Variants in CD33 observed in about 807,000 individuals in gnomAD.
CD33 encodes myeloid cell surface antigen CD33.
CD33 carries 25 observed loss-of-function variants against 31.4 expected under a neutral mutation model. The ratio of observed to expected loss-of-function variants is 0.80; its 90% CI spans 0.58 to 1.11. The LOEUF is 1.11. Ranked by LOEUF, CD33 falls within the 50% of genes most tolerant of loss-of-function variation. The probability of loss-of-function intolerance (pLI) is 0.00; values close to 1 mark genes in which losing one functional copy is unlikely to be tolerated. For synonymous variants in CD33, 176 were observed against 180.6 expected, an observed-to-expected ratio of 0.97 and a Z score of 0.20; for missense variants, 407 against 448.1, an observed-to-expected ratio of 0.91 and a Z score of 0.83.
In CD33 at chr19:51,226,422, C is replaced by G; in HGVS notation, c.745+66C>G. 3 of 1,433,194 alleles carry G rather than the reference C, an allele frequency of 2.1e-6. No individual in the cohort carries two copies. In the Admixed American group the frequency reaches 5.0e-5, roughly 24 times the overall value. The allele number at this position is 1,433,194 out of a possible 1,614,324, so 88.8% of individuals were successfully genotyped here. On this transcript the variant is annotated intron_variant, in intron 4 of 6. Transcript: ENST00000262262. ...GAGTCTGTGTCAGGTTTGGTCAGAT[C>G]TGGACTTTCAGAGTCAAATGTTCAG...
At position 51,225,424 on chromosome 19, in the gene CD33, G is replaced by A. The variant is rs995299279; in HGVS notation, c.244G>A (p.Val82Ile). ...PVATNKLDQE[V>I]QEETQGRFRL... is the part of the protein sequence containing the mutation. ...GGCCACAAACAAGCTAGATCAAGAA[G>A]TACAGGAGGAGACTCAGGGCAGATT... Residue 82 changes from valine (V) to isoleucine (I), a missense_variant, in exon 2 of 7, where the codon GTA becomes ATA. Physicochemically the swap from Val to Ile is conservative, Grantham distance 29 (BLOSUM62 3). Coordinates refer to ENST00000262262, the MANE Select transcript of CD33 (RefSeq NM_001772.4). The A allele has an allele frequency of 6.2e-7, 1 of 1,614,068 alleles. No individual in the cohort carries two copies.
At position 51,239,946 on chromosome 19, in the gene CD33, A is replaced by G; in HGVS notation, c.*258A>G. The G allele has an allele frequency of 3.2e-6, 1 of 314,446 alleles. No individual in the cohort carries two copies. The highest frequency in any genetic ancestry group is 5.8e-6 in the Non-Finnish European group (1 of 172,436). The allele number at this position is 314,446 out of a possible 1,614,324, so 19.5% of individuals were successfully genotyped here. On this transcript the variant is annotated 3_prime_UTR_variant, in exon 7 of 7. Coordinates refer to ENST00000262262, the MANE Select transcript of CD33 (RefSeq NM_001772.4). The stretch of plus-strand genomic sequence containing the variant: ...CATGTCTCCATTTTCTTCTCTGTGA[A>G]GTAGGTATAAGAAGTCCTATCTCAT...
chr19:51,221,381 C>T (rs1980681996), upstream of CD33, among the ~76,000 whole-genome samples: 1 of 152,096 alleles, frequency 6.6e-6, no homozygotes, highest in South Asian at 2.1e-4. Flanking sequence ...GATCATTTGT[C>T]CTTAGGTAAT....
At chr19:51,211,992 G>A in the CD33 span, 369 of 1,125,034 alleles carry the variant, frequency 3.3e-4, 2 homozygotes, top group East Asian at 5.5e-3. Flanking sequence ...CCAGGACCAC[G>A]GCACCAACCT....
chr19:51,239,666 A>C lies in CD33; in HGVS notation c.1073A>C (p.Tyr358Ser), dbSNP rs750152882. 1 of 1,612,284 alleles carries C rather than the reference A, an allele frequency of 6.2e-7. No homozygotes were observed. Among genetic ancestry groups the C allele is most frequent in the South Asian group, 1.1e-5 (1 of 90,804 alleles). ...MNPSKDTSTEYSEVRTQ is the reference protein window; with the variant it reads ...MNPSKDTSTESSEVRTQ Reference sequence around the variant, plus strand: ...CCTTCCAAGGACACCTCCACCGAATACTCAGAGGTCAGGACCCAGTGAGGA... The same window carrying C: ...CCTTCCAAGGACACCTCCACCGAATCCTCAGAGGTCAGGACCCAGTGAGGA... Residue 358 changes from tyrosine (Y) to serine (S), a missense_variant, in exon 7 of 7, where the codon TAC becomes TCC. Tyr to Ser is a moderately radical substitution (Grantham distance 144). Transcript: ENST00000262262.
At chr19:51,235,574 G>T (rs1318366742) in intron 5 of CD33, 21 bp from the exon 6 acceptor site, 6 of 1,608,110 alleles carry the variant, frequency 3.7e-6, no homozygotes, top group Non-Finnish European at 4.2e-6. Context: ...CAGGCTCAAA[G>T]ACCCTGGTGT....
chr19:51,228,002 C>A (rs1192340350), intron 4 of CD33, among the ~76,000 whole-genome samples: 1 of 152,156 alleles, frequency 6.6e-6, no homozygotes, highest in Admixed American at 6.5e-5. Context: ...GTTCTTCATG[C>A]ATTTGTCAAA....
At position 51,235,226 on chromosome 19, in the gene CD33, C is replaced by A; in HGVS notation, c.815C>A (p.Ala272Asp). Residue 272 changes from alanine to aspartate, a missense_variant, in exon 5 of 7, where the codon GCT becomes GAT. Transcript: ENST00000262262. Reference sequence around the variant, plus strand: ...GGAGCTGGTGTTACAGCCCTGCTCGCTCTTTGTCTCTGCCTCATCTTCTTC... The same window carrying A: ...GGAGCTGGTGTTACAGCCCTGCTCGATCTTTGTCTCTGCCTCATCTTCTTC... ...IGGAGVTALL[A>D]LCLCLIFFIV... 1.2e-6 allele frequency: 2 copies of A among 1,614,118 alleles called. No individual in the cohort carries two copies. The highest frequency in any genetic ancestry group is 1.7e-6 in the Non-Finnish European group (2 of 1,179,954).
At chr19:51,224,532 A>T (rs1980847892), upstream of CD33, among the ~76,000 whole-genome samples, 1 of 152,190 alleles carries the variant, frequency 6.6e-6, no homozygotes, top group African/African-American at 2.4e-5. Context: ...TTAAAGAGGC[A>T]GTGTTTCTCC....
chr19:51,239,426 CAG>C (rs1982016979), intron 6 of CD33, 90 bp from the exon 7 acceptor site: 1 of 881,744 alleles, frequency 1.1e-6, no homozygotes, highest in East Asian at 2.7e-5. Context: ...AATGTTCTGT[CAG>C]AGTCAAATTT....
chr19:51,225,681 G>T (rs1444331177), intron 2 of CD33, 83 bp downstream of exon 2: 2 of 1,530,380 alleles, frequency 1.3e-6, no homozygotes, highest in Non-Finnish European at 1.8e-6. Flanking sequence ...CTGGTACTGG[G>T]AGGGGTTTAG....
In CD33 at chr19:51,225,732, G is replaced by A. The variant is rs987551656; in HGVS notation, c.419-71G>A. ...TGCTTAGCGGGGGAGCTTGACCAGAGGTTGATCTTCTCTCAGGCCCTCACC... is the reference window on the plus strand; with the variant it reads ...TGCTTAGCGGGGGAGCTTGACCAGAAGTTGATCTTCTCTCAGGCCCTCACC... On this transcript the variant is annotated intron_variant, in intron 2 of 6. Transcript: ENST00000262262. 12 of 1,554,962 alleles carry A rather than the reference G, an allele frequency of 7.7e-6. No individual in the cohort carries two copies. In the Admixed American group the frequency reaches 1.1e-4, roughly 14 times the overall value.
chr19:51,215,541 A>T, the CD33 span, among the ~76,000 whole-genome samples: 5 of 152,216 alleles, frequency 3.3e-5, no homozygotes, highest in African/African-American at 1.2e-4. Context: ...AAACACTGCC[A>T]TGGGCTAATC....
intron 5 of CD33, 27 bp from the exon 6 acceptor site, chr19:51,235,568 C>G: frequency 6.2e-7 from 1 of 1,604,464 alleles, no homozygotes; most frequent in Non-Finnish European, 8.5e-7. Context: ...GAAAACCAGG[C>G]TCAAAGACCC....
At chr19:51,217,050 T>C in the CD33 span, among the ~76,000 whole-genome samples, 3 of 152,176 alleles carry the variant, frequency 2.0e-5, no homozygotes, top group Non-Finnish European at 2.9e-5. Context: ...GCAGACCACC[T>C]GGTGCCCTGC....
At chr19:51,226,730 T>G (rs542311513) in intron 4 of CD33, among the ~76,000 whole-genome samples, 1 of 152,108 alleles carries the variant, frequency 6.6e-6, no homozygotes, top group African/African-American at 2.4e-5. Flanking sequence ...TTGGGAACAT[T>G]CAATATCCCC....
the CD33 span, among the ~76,000 whole-genome samples, chr19:51,215,836 C>A: frequency 3.3e-5 from 5 of 152,168 alleles, no homozygotes; most frequent in Non-Finnish European, 5.9e-5. Context: ...CTTGGTCATG[C>A]CTGGGCCCTC....
chr19:51,238,033 G>A (rs78347527), intron 6 of CD33: 2,526 of 152,326 alleles, frequency 0.017, 39 homozygotes, highest in Middle Eastern at 0.031. Context: ...GATAGCTCAC[G>A]GGCTCTGCTC....
chr19:51,211,355 G>A, the CD33 span: 23 of 1,550,124 alleles, frequency 1.5e-5, no homozygotes, highest in African/African-American at 5.4e-5. Context: ...TACTGGTTCC[G>A]GGAAGGAGCC....
Sources: allele counts gnomAD v4.1 joint callset (sites outside exome capture counted in the v4.1 genomes callset), GRCh38; gene constraint gnomAD v4.1.1; transcripts MANE v1.5; gene names NCBI Gene and HGNC (gene_info 2026-07-23, HGNC 2026-07-21).